TYW1B: variants seen among roughly 807,000 people sequenced by gnomAD.
The protein encoded by TYW1B is tRNA-yW synthesizing protein 1 homolog B.
TYW1B carries 73 observed loss-of-function variants against 86.9 expected under a neutral mutation model. That is an observed-to-expected ratio of 0.84 (90% confidence interval 0.70 to 1.02). The LOEUF is 1.02. Among genes scored for constraint, TYW1B ranks in the 50% least tolerant of loss-of-function variants. TYW1B has a pLI of 0.00. For synonymous variants in TYW1B, 248 were observed against 292.8 expected (o/e 0.85, Z 1.56); for missense variants, 637 against 827.4 (o/e 0.77, Z 2.82).
chr7:72,662,981 T>C (rs559869347), intron 11 of TYW1B, among the ~76,000 whole-genome samples: 1 of 152,348 alleles, frequency 6.6e-6, no homozygotes, highest in East Asian at 1.9e-4. Context: ...TTCCCTTTCC[T>C]GTAAATTCTT....
At chr7:72,693,419 T>TC (rs1486486184) in intron 11 of TYW1B, among the ~76,000 whole-genome samples, 1 of 150,718 alleles carries the variant, frequency 6.6e-6, no homozygotes, top group African/African-American at 2.4e-5. Context: ...CTTTTTTTTT[T>TC]TTTTTTTTTA....
chr7:72,746,099 A>G (rs1251909828), intron 7 of TYW1B, among the ~76,000 whole-genome samples: 4 of 152,060 alleles, frequency 2.6e-5, no homozygotes, highest in Non-Finnish European at 2.9e-5. Context: ...CCTGACCTCA[A>G]GTGATCTGCC....
Position 72,757,052 on chromosome 7 carries a change from T to C in TYW1B, c.965-12451A>G, listed in dbSNP as rs74719140. On this transcript the variant is annotated intron_variant, in intron 7 of 13. Coordinates refer to ENST00000620995, the MANE Select transcript of TYW1B (RefSeq NM_001145440.3). ...CAGGTAGGAAATGAATAAAAACGTA[T>C]CTCCATGCGAAAATATGTACATATA... Among the ~76,000 whole-genome samples, 432 of 152,020 alleles carry C rather than the reference T, an allele frequency of 2.8e-3. 3 individuals carry two copies. Among genetic ancestry groups the C allele is most frequent in the African/African-American group, 9.9e-3 (411 of 41,474 alleles).
rs1811155450 is a variant in TYW1B at position 72,581,674 on chromosome 7, G to T, written c.1786-5955C>A. Among the ~76,000 whole-genome samples, 3 of 152,066 alleles carry T rather than the reference G, an allele frequency of 2.0e-5. No homozygotes were observed. In the South Asian group the frequency reaches 6.2e-4, roughly 31 times the overall value. On this transcript the variant is annotated intron_variant, in intron 13 of 13. Coordinates refer to ENST00000620995, the MANE Select transcript of TYW1B (RefSeq NM_001145440.3). ...GAGTTGCACCATGTTGGCCAGGCTG[G>T]TCTTTAGTCTCCCACTCTCAAATAC... is the stretch of plus-strand genomic sequence containing the variant.
intron 7 of TYW1B, among the ~76,000 whole-genome samples, chr7:72,762,586 C>T (rs1484626422): frequency 6.6e-6 from 1 of 152,064 alleles, no homozygotes; most frequent in Non-Finnish European, 1.5e-5. Flanking sequence ...CTGAATTGTT[C>T]CCTGTAATGA....
chr7:72,704,859 G>C (rs1390405296), intron 10 of TYW1B, among the ~76,000 whole-genome samples: 2 of 152,134 alleles, frequency 1.3e-5, no homozygotes, highest in Non-Finnish European at 2.9e-5. Flanking sequence ...TTCTAGCCCA[G>C]AGCCCAAGCT....
intron 12 of TYW1B, among the ~76,000 whole-genome samples, chr7:72,622,406 T>C (rs1233560150): frequency 9.2e-5 from 14 of 152,246 alleles, no homozygotes; most frequent in Admixed American, 2.0e-4. Context: ...CATTACCCCA[T>C]TGAATTCTCA....
chr7:72,828,000 C>T, intron 1 of TYW1B, 72 bp downstream of exon 1: 1 of 1,601,286 alleles, frequency 6.2e-7, no homozygotes, highest in African/African-American at 1.3e-5. Context: ...CGCCACTCCG[C>T]CCGGAGAGGG....
chr7:72,782,776 C>G (rs550110957), intron 6 of TYW1B, among the ~76,000 whole-genome samples: 1 of 152,262 alleles, frequency 6.6e-6, no homozygotes, highest in South Asian at 2.1e-4. Flanking sequence ...ACTGGGGAGG[C>G]TGAGGCACAA....
chr7:72,694,695 C>T lies in TYW1B; in HGVS notation c.1498G>A (p.Ala500Thr). ...QQFLDSLKALAVKQQRTVYRL... is the reference protein window; with the variant it reads ...QQFLDSLKALTVKQQRTVYRL... ...GATGTCATAATTCTTACCTTGACTG[C>T]CAAGGCTTTTAAACTGTCAAGGAAT... Residue 500 changes from alanine (A) to threonine (T), a missense_variant, in exon 11 of 14, where the codon GCA becomes ACA. By Grantham distance (58) the Ala-to-Thr change is moderately conservative. Coordinates refer to ENST00000620995, the MANE Select transcript of TYW1B (RefSeq NM_001145440.3). 1 of 1,608,570 alleles carries T rather than the reference C, an allele frequency of 6.2e-7. No homozygotes were observed. Among genetic ancestry groups the T allele is most frequent in the Non-Finnish European group, 8.5e-7 (1 of 1,178,698 alleles).
chr7:72,678,919 G>A (rs1473568900), intron 11 of TYW1B, among the ~76,000 whole-genome samples: 1 of 151,616 alleles, frequency 6.6e-6, no homozygotes, highest in Non-Finnish European at 1.5e-5. Context: ...AACATAGTGA[G>A]ACTCCATCTG....
chr7:72,695,300 C>T lies in TYW1B; in HGVS notation c.1371-478G>A, dbSNP rs187505595. ...AAAAGCTCAGGCCTTATTCAAAGGA[C>T]GCTGAGTCACACCTATGCTTCCATA... On this transcript the variant is annotated intron_variant, in intron 10 of 13. Transcript: ENST00000620995. 6.0e-4 allele frequency among the ~76,000 whole-genome samples: 91 copies of T among 152,234 alleles called. 1 individual carries two copies. Among genetic ancestry groups the T allele is most frequent in the Admixed American group, 1.2e-3 (19 of 15,286 alleles).
rs186568297 is a variant in TYW1B, at chr7:72,679,781, T to C, written c.1506+14906A>G. On this transcript the variant is annotated intron_variant, in intron 11 of 13. Coordinates refer to ENST00000620995, the MANE Select transcript of TYW1B (RefSeq NM_001145440.3). Reference sequence around the variant, plus strand: ...CATTATTATATAAAGTTTTAAAATATGGAAAACACTATGCTCTGTTACTTA... The same window carrying C: ...CATTATTATATAAAGTTTTAAAATACGGAAAACACTATGCTCTGTTACTTA... 2.0e-3 allele frequency among the ~76,000 whole-genome samples: 299 copies of C among 152,268 alleles called. 1 individual carries two copies. The highest frequency in any genetic ancestry group is 7.1e-3 in the African/African-American group (294 of 41,544).
intron 12 of TYW1B, among the ~76,000 whole-genome samples, chr7:72,622,783 A>C (rs1271360816): frequency 6.6e-6 from 1 of 151,328 alleles, no homozygotes; most frequent in Non-Finnish European, 1.5e-5. Flanking sequence ...ACGCACACAA[A>C]ACACACATGC....
intron 8 of TYW1B, among the ~76,000 whole-genome samples, chr7:72,740,051 G>A (rs1361411121): frequency 8.9e-5 from 13 of 145,402 alleles, no homozygotes; most frequent in Non-Finnish European, 1.4e-4. Flanking sequence ...GGCTAACACC[G>A]TGAAACCCCA....
At chr7:72,580,031 C>T (rs1811116622) in intron 13 of TYW1B, among the ~76,000 whole-genome samples, 1 of 152,242 alleles carries the variant, frequency 6.6e-6, no homozygotes, top group Non-Finnish European at 1.5e-5. Context: ...CAGTTGCTTC[C>T]TTTGAAACCC....
intron 8 of TYW1B, among the ~76,000 whole-genome samples, chr7:72,739,088 A>G (rs1787253573): frequency 6.6e-6 from 1 of 152,064 alleles, no homozygotes; most frequent in African/African-American, 2.4e-5. Context: ...ATGGGATGAT[A>G]GTATTGTGGC....
chr7:72,778,334 T>C (rs1162085769), intron 6 of TYW1B, among the ~76,000 whole-genome samples: 2 of 152,188 alleles, frequency 1.3e-5, no homozygotes, highest in African/African-American at 4.8e-5. Context: ...GCTGCTGGTA[T>C]TACATCTCTA....
At chr7:72,603,299 TG>T (rs1811717750) in intron 13 of TYW1B, among the ~76,000 whole-genome samples, 2 of 142,334 alleles carry the variant, frequency 1.4e-5, no homozygotes. Flanking sequence ...AGATGACAGA[TG>T]ATTGATGGAT....
Sources: allele counts gnomAD v4.1 joint callset (sites outside exome capture counted in the v4.1 genomes callset), GRCh38; gene constraint gnomAD v4.1.1; transcripts MANE v1.5; gene names NCBI Gene and HGNC (gene_info 2026-07-23, HGNC 2026-07-21).